Variants in OXNAD1 observed in about 807,000 individuals in gnomAD.
OXNAD1 encodes oxidoreductase NAD-binding domain-containing protein 1.
Under a neutral mutation model 32.9 loss-of-function variants are expected in OXNAD1, and 34 were observed. The observed-to-expected ratio is 1.03, with a 90% CI of 0.79 to 1.38. OXNAD1 has a LOEUF of 1.38. Among genes scored for constraint, OXNAD1 ranks in the 40% most tolerant of loss-of-function variants. OXNAD1 has a pLI of 0.00. For synonymous variants in OXNAD1, 134 were observed against 135.2 expected, an observed-to-expected ratio of 0.99 and a Z score of 0.06; for missense variants, 407 against 379.4, an observed-to-expected ratio of 1.07 and a Z score of -0.60.
At position 16,302,740 on chromosome 3, in the gene OXNAD1, A is replaced by G; in HGVS notation, c.776A>G (p.Tyr259Cys). 4 of 1,608,826 alleles carry G rather than the reference A, an allele frequency of 2.5e-6. No individual in the cohort carries two copies. The highest frequency in any genetic ancestry group is 3.4e-6 in the Non-Finnish European group (4 of 1,175,504). Reference protein sequence around the residue: ...TTQINAELKPYITEGRITEKE... With the variant: ...TTQINAELKPCITEGRITEKE... ...CAAATCAATGCGGAACTCAAGCCAT[A>G]CATCACGGGTGAGTCCCCTAAAGAT... The change falls in exon 8 of 9, where the codon TAC (tyrosine) becomes TGC (cysteine). Residue 259 changes from tyrosine (Y) to cysteine (C), a missense_variant. By Grantham distance (194) the Tyr-to-Cys change is radical. Coordinates refer to ENST00000285083, the MANE Select transcript of OXNAD1 (RefSeq NM_138381.5). This position sits in a 1 kb window ranked among gnomAD's most constrained non-coding sequence, Gnocchi z 4.2.
rs1176740416 is a variant in OXNAD1 at position 16,321,862 on chromosome 3, C to T, written c.*31-15250C>T. Among the ~76,000 whole-genome samples the T allele has an allele frequency of 6.6e-6, 1 of 152,194 alleles. No individual in the cohort carries two copies. Among genetic ancestry groups the T allele is most frequent in the Non-Finnish European group, 1.5e-5 (1 of 68,032 alleles). On this transcript the variant is annotated intron_variant, in intron 9 of 9. Coordinates refer to the OXNAD1 transcript ENST00000435829. This position sits in a 1 kb window ranked among gnomAD's most constrained non-coding sequence, Gnocchi z 4.8. ...TTTTACAAATCTATCTCTAAAGTCT[C>T]CCTGCCGACTCAAGTTTCCACTGAC... is the stretch of plus-strand genomic sequence containing the variant.
rs690388 is a variant in OXNAD1 at position 16,342,762 on chromosome 3, C to A, written c.*31-6414C>A. ...TAAAGAGGCCACTGATTTAAAAGCTCTGTGTCAACATGCATGCCCAGCTTA... is the reference window on the plus strand; with the variant it reads ...TAAAGAGGCCACTGATTTAAAAGCTATGTGTCAACATGCATGCCCAGCTTA... On this transcript the variant is annotated intron_variant, in intron 9 of 9. Coordinates refer to the OXNAD1 transcript ENST00000606098. This position sits in a 1 kb window ranked among gnomAD's most constrained non-coding sequence, Gnocchi z 4.0. 0.74 allele frequency among the ~76,000 whole-genome samples: 112,054 copies of A among 152,198 alleles called. 41,402 individuals carry two copies. The highest frequency in any genetic ancestry group is 0.78 in the Admixed American group (12,003 of 15,300).
chr3:16,282,037 A>ATTTTTT (rs779324288), intron 4 of OXNAD1, among the ~76,000 whole-genome samples: 25 of 95,698 alleles, frequency 2.6e-4, no homozygotes, highest in Non-Finnish European at 3.4e-4. Flanking sequence ...AATGTTTGTA[A>ATTTTTT]TTTTTTTTTT....
intron 9 of OXNAD1, among the ~76,000 whole-genome samples, chr3:16,313,076 T>C (rs756329350): frequency 8.6e-5 from 13 of 151,826 alleles, no homozygotes; most frequent in Non-Finnish European, 1.8e-4. Context: ...GACAGGGTCT[T>C]GTTCTATTGT....
chr3:16,315,474 A>G (rs2068285615), intron 9 of OXNAD1, among the ~76,000 whole-genome samples: 1 of 149,634 alleles, frequency 6.7e-6, no homozygotes, highest in Admixed American at 6.6e-5. Context: ...ACTAATTTAA[A>G]AAGTTATTCA....
At chr3:16,313,051 C>CTT (rs11325593) in intron 9 of OXNAD1, among the ~76,000 whole-genome samples, 2 of 145,330 alleles carry the variant, frequency 1.4e-5, no homozygotes, top group Admixed American at 6.9e-5. Context: ...CAAGATCCAT[C>CTT]TTTTTTTTTT....
chr3:16,313,204 G>GCTTTTTTTTTTTTT (rs2068092292), intron 9 of OXNAD1, among the ~76,000 whole-genome samples: 1 of 96,178 alleles, frequency 1.0e-5, no homozygotes, highest in Non-Finnish European at 2.0e-5. Flanking sequence ...ACACCCAGCG[G>GCTTTTTTTTTTTTT]ATTTTTTTTT....
At position 16,344,859 on chromosome 3, in the gene OXNAD1, A is replaced by G. The variant is rs1185765950; in HGVS notation, c.*31-4317A>G. On this transcript the variant is annotated intron_variant, in intron 9 of 9. Coordinates refer to the OXNAD1 transcript ENST00000606098. The surrounding 1 kb of genome is among the most constrained non-coding windows in gnomAD (Gnocchi z 4.4). ...TCAAGGAGTGGTAGTGAGTGAACAC[A>G]TAACTACAAGAACACCCCCCAACCT... Among the ~76,000 whole-genome samples the G allele has an allele frequency of 6.6e-6, 1 of 152,248 alleles. No individual in the cohort carries two copies. Among genetic ancestry groups the G allele is most frequent in the Non-Finnish European group, 1.5e-5 (1 of 68,046 alleles).
chr3:16,279,262 A>C (rs751234461), intron 4 of OXNAD1, among the ~76,000 whole-genome samples: 1 of 152,014 alleles, frequency 6.6e-6, no homozygotes, highest in Non-Finnish European at 1.5e-5. Flanking sequence ...GCTCTTAGAA[A>C]AACTCCCAAG....
At chr3:16,330,804 G>A (rs1222554475) in intron 9 of OXNAD1, among the ~76,000 whole-genome samples, 2 of 152,056 alleles carry the variant, frequency 1.3e-5, no homozygotes, top group African/African-American at 4.8e-5. Flanking sequence ...CCAAAAATTA[G>A]GACAACAGAA....
chr3:16,338,449 G>A (rs1369595960), downstream of OXNAD1, among the ~76,000 whole-genome samples: 3 of 152,232 alleles, frequency 2.0e-5, no homozygotes, highest in East Asian at 3.8e-4. This position sits in a 1 kb window ranked among gnomAD's most constrained non-coding sequence, Gnocchi z 5.3. Flanking sequence ...GCTGCTCATC[G>A]GGACCACGTA....
chr3:16,286,294 G>A (rs773290039), intron 4 of OXNAD1, 48 bp from the exon 5 acceptor site: 2 of 1,416,616 alleles, frequency 1.4e-6, no homozygotes, highest in Non-Finnish European at 2.0e-6. Context: ...TTTGTCCCTT[G>A]TGCTGTGTAC....
At chr3:16,339,723 TG>T (rs2071183824), downstream of OXNAD1, 1 of 152,260 alleles carries the variant, frequency 6.6e-6, no homozygotes, top group Non-Finnish European at 1.5e-5. Context: ...GATCATGACT[TG>T]GTGCTTCGTT....
rs983881221 is a variant in OXNAD1 at position 16,284,249 on chromosome 3, T to C, written c.184-2093T>C. On this transcript the variant is annotated intron_variant, in intron 4 of 8. Transcript: ENST00000285083. This position sits in a 1 kb window ranked among gnomAD's most constrained non-coding sequence, Gnocchi z 4.1. The stretch of plus-strand genomic sequence containing the variant: ...GTATGGTGGCATATATAGTTATAAA[T>C]GAATAAAATGTAATATATAATGTAA... Among the ~76,000 whole-genome samples the C allele has an allele frequency of 6.6e-6, 1 of 152,218 alleles. No homozygotes were observed. Among genetic ancestry groups the C allele is most frequent in the Non-Finnish European group, 1.5e-5 (1 of 68,038 alleles).
intron 6 of OXNAD1, among the ~76,000 whole-genome samples, chr3:16,295,944 A>T (rs1475750051): frequency 1.3e-5 from 2 of 152,236 alleles, no homozygotes; most frequent in East Asian, 3.8e-4. Context: ...GGGTTTCTGT[A>T]GGAGCCACAT....
rs2065687820 is a variant in OXNAD1 at position 16,280,856 on chromosome 3, C to A, written c.184-5486C>A. Among the ~76,000 whole-genome samples, 1 of 152,144 alleles carries A rather than the reference C, an allele frequency of 6.6e-6. No homozygotes were observed. The highest frequency in any genetic ancestry group is 2.4e-5 in the African/African-American group (1 of 41,422). On this transcript the variant is annotated intron_variant, in intron 4 of 8. Transcript: ENST00000285083. This position sits in a 1 kb window ranked among gnomAD's most constrained non-coding sequence, Gnocchi z 4.5. Reference sequence around the variant, plus strand: ...TAAACATGTGTACTGGTAAAGTTGGCAAATGTGTTGTTATTTTACTGAACA... The same window carrying A: ...TAAACATGTGTACTGGTAAAGTTGGAAAATGTGTTGTTATTTTACTGAACA...
chr3:16,269,879 G>C (rs533806400), intron 2 of OXNAD1, among the ~76,000 whole-genome samples: 1 of 152,304 alleles, frequency 6.6e-6, no homozygotes, highest in East Asian at 1.9e-4. Context: ...TGGACAAATA[G>C]AGCAATGTAA....
rs538505652 is a variant in OXNAD1 at position 16,317,436 on chromosome 3, A to G, written c.*30+13844A>G. On this transcript the variant is annotated intron_variant, in intron 9 of 9. Transcript: ENST00000435829. This position sits in a 1 kb window ranked among gnomAD's most constrained non-coding sequence, Gnocchi z 4.3. ...CCCAAGAGCCTGCACCACACCTTCC[A>G]GGATGTGTATTTTAGATGTAGATTT... Among the ~76,000 whole-genome samples, 15 of 152,126 alleles carry G rather than the reference A, an allele frequency of 9.9e-5. No homozygotes were observed. Among genetic ancestry groups the G allele is most frequent in the African/African-American group, 7.2e-5 (3 of 41,520 alleles).
At chr3:16,328,569 C>T (rs940114123) in intron 9 of OXNAD1, among the ~76,000 whole-genome samples, 9 of 152,228 alleles carry the variant, frequency 5.9e-5, no homozygotes, top group Admixed American at 1.3e-4. Flanking sequence ...GCCTCCCTTT[C>T]CTCCGCTGTA....
Sources: allele counts gnomAD v4.1 joint callset (sites outside exome capture counted in the v4.1 genomes callset), GRCh38; gene constraint gnomAD v4.1.1; non-coding constraint Gnocchi (gnomAD v3.1); transcripts MANE v1.5; gene names NCBI Gene and HGNC (gene_info 2026-07-23, HGNC 2026-07-21).